PDE10A: variants seen among roughly 807,000 people sequenced by gnomAD.
PDE10A encodes the protein phosphodiesterase 10A, also known as cAMP and cAMP-inhibited cGMP 3',5'-cyclic phosphodiesterase 10A.
Under a neutral mutation model 97.7 loss-of-function variants are expected in PDE10A, and 39 were observed. That is an observed-to-expected ratio of 0.40 (90% CI 0.31 to 0.52). PDE10A has a LOEUF of 0.52. Ranked by LOEUF, PDE10A falls within the 20% of genes least tolerant of loss-of-function variation. PDE10A has a pLI of 0.56. For missense variants in PDE10A, 731 were observed against 1,047.8 expected, an observed-to-expected ratio of 0.70 and a Z score of 4.17; for synonymous variants, 371 against 376.8, an observed-to-expected ratio of 0.98 and a Z score of 0.18.
chr6:165,685,716 G>C (rs1319871522), intron 1 of PDE10A, among the ~76,000 whole-genome samples: 1 of 152,148 alleles, frequency 6.6e-6, no homozygotes, highest in Non-Finnish European at 1.5e-5. Context: ...CACAATGCCT[G>C]ACCTGGGGTG....
chr6:165,674,361 C>T, intron 1 of PDE10A, among the ~76,000 whole-genome samples: 1 of 151,272 alleles, frequency 6.6e-6, no homozygotes, highest in Admixed American at 6.6e-5. Context: ...TTCTGTCAGT[C>T]AGAATAGACC....
intron 1 of PDE10A, among the ~76,000 whole-genome samples, chr6:165,658,610 C>T (rs373778639): frequency 6.6e-6 from 1 of 152,366 alleles, no homozygotes; most frequent in East Asian, 1.9e-4. Context: ...ACACTGATCA[C>T]CTGCGCAGAC....
intron 1 of PDE10A, among the ~76,000 whole-genome samples, chr6:165,715,637 C>T (rs1035331099): frequency 5.9e-5 from 9 of 152,170 alleles, no homozygotes; most frequent in South Asian, 2.1e-4. Flanking sequence ...AACACACGTG[C>T]GCACACACAC....
At chr6:165,422,372 C>T (rs1024099583) in intron 10 of PDE10A, among the ~76,000 whole-genome samples, 5 of 150,034 alleles carry the variant, frequency 3.3e-5, no homozygotes, top group Non-Finnish European at 5.9e-5. Flanking sequence ...CGCATATACA[C>T]ACACAGGCAT....
chr6:165,828,763 A>G (rs1359510206), intron 1 of PDE10A, among the ~76,000 whole-genome samples: 1 of 152,178 alleles, frequency 6.6e-6, no homozygotes, highest in East Asian at 1.9e-4. Context: ...CACTGCGGGC[A>G]GTGGAGGCCC....
chr6:165,896,079 G>A (rs961395191), intron 1 of PDE10A, among the ~76,000 whole-genome samples: 1 of 152,204 alleles, frequency 6.6e-6, no homozygotes, highest in Non-Finnish European at 1.5e-5. Flanking sequence ...TCCTGCCCGG[G>A]CCGTGGTGAG....
At chr6:165,805,790 A>C (rs1362073351) in intron 1 of PDE10A, among the ~76,000 whole-genome samples, 1 of 152,002 alleles carries the variant, frequency 6.6e-6, no homozygotes, top group Non-Finnish European at 1.5e-5. Context: ...GTTCGGGGCC[A>C]GAAAGCTGGT....
chr6:165,346,886 T>C (rs1413510631), intron 18 of PDE10A, among the ~76,000 whole-genome samples: 1 of 152,172 alleles, frequency 6.6e-6, no homozygotes, highest in African/African-American at 2.4e-5. Context: ...AATTCTGTTA[T>C]GAGGTAGTCT....
chr6:165,520,637 C>G (rs760748670), intron 2 of PDE10A, among the ~76,000 whole-genome samples: 5 of 152,134 alleles, frequency 3.3e-5, no homozygotes, highest in Non-Finnish European at 7.4e-5. Context: ...AATAGTGAAA[C>G]AAGATAAATG....
chr6:165,689,932 A>G (rs935965929), intron 1 of PDE10A, among the ~76,000 whole-genome samples: 2 of 152,218 alleles, frequency 1.3e-5, no homozygotes, highest in Non-Finnish European at 1.5e-5. Context: ...CTCAGCATGT[A>G]TCCGTGAGTC....
chr6:165,730,143 T>C (rs1200924877), intron 1 of PDE10A, among the ~76,000 whole-genome samples: 6 of 135,864 alleles, frequency 4.4e-5, no homozygotes, highest in Admixed American at 2.1e-4. Context: ...TATGAATATA[T>C]GAAAAGATGA....
chr6:165,564,089 C>T (rs1442020531), intron 1 of PDE10A, among the ~76,000 whole-genome samples: 1 of 152,042 alleles, frequency 6.6e-6, no homozygotes, highest in East Asian at 1.9e-4. Context: ...GCCACAAAAC[C>T]CTTGGCTGGA....
At chr6:165,800,479 T>C (rs1778954291) in intron 1 of PDE10A, among the ~76,000 whole-genome samples, 1 of 152,172 alleles carries the variant, frequency 6.6e-6, no homozygotes, top group Non-Finnish European at 1.5e-5. Context: ...AGCGTCCCTC[T>C]GGCCCCAGTA....
intron 2 of PDE10A, among the ~76,000 whole-genome samples, chr6:165,535,536 G>T (rs1204527836): frequency 2.0e-5 from 3 of 151,726 alleles, no homozygotes; most frequent in African/African-American, 7.3e-5. Flanking sequence ...CATCCATGTT[G>T]CTGCAAAAGA....
rs1790265957 is a variant in PDE10A at position 165,661,608 on chromosome 6, C to T, written c.865+339G>A. 2 of 289,362 alleles carry T rather than the reference C, an allele frequency of 6.9e-6. No homozygotes were observed. The highest frequency in any genetic ancestry group is 5.5e-5 in the Admixed American group (1 of 18,050). The allele number at this position is 289,362 out of a possible 1,614,324, so 17.9% of individuals were successfully genotyped here. A position where few individuals can be genotyped will look rare whatever the true frequency, so the allele number is the denominator to read the frequency against. On this transcript the variant is annotated intron_variant, in intron 1 of 21. Transcript: ENST00000539869. The surrounding 1 kb of genome is among the most constrained non-coding windows in gnomAD (Gnocchi z 4.8). ...GTGGTCACAAAGTTGAGTATAAATA[C>T]GCGCCGGACAAGTGTGGCCAGAAAC...
intron 1 of PDE10A, among the ~76,000 whole-genome samples, chr6:165,738,671 C>T (rs1002925921): frequency 1.3e-5 from 2 of 151,742 alleles, no homozygotes; most frequent in Non-Finnish European, 2.9e-5. Flanking sequence ...CTGTCCAGCA[C>T]CTGTTGTTTC....
intron 18 of PDE10A, among the ~76,000 whole-genome samples, chr6:165,358,909 TAC>T (rs1456813222): frequency 2.6e-5 from 4 of 151,284 alleles, no homozygotes; most frequent in Non-Finnish European, 5.9e-5. Flanking sequence ...TTACTCTTTT[TAC>T]AGTTTCCCTG....
chr6:165,669,788 T>C (rs534940754), intron 1 of PDE10A, among the ~76,000 whole-genome samples: 1 of 152,340 alleles, frequency 6.6e-6, no homozygotes, highest in South Asian at 2.1e-4. Flanking sequence ...GAAACATCCA[T>C]AATAAATCTC....
intron 1 of PDE10A, among the ~76,000 whole-genome samples, chr6:165,815,275 A>T (rs1425789909): frequency 6.6e-6 from 1 of 152,236 alleles, no homozygotes; most frequent in African/African-American, 2.4e-5. Context: ...TACAATGTGC[A>T]GAGTTCACTG....
Sources: gnomAD v4.1 joint callset for allele counts (sites outside exome capture counted in the v4.1 genomes callset) on GRCh38, gnomAD v4.1.1 for gene constraint, Gnocchi (gnomAD v3.1) non-coding constraint, MANE v1.5 for transcripts, NCBI Gene and HGNC (gene_info 2026-07-23, HGNC 2026-07-21) for gene names.